Variants in BACH2 observed in about 807,000 individuals in gnomAD.
BACH2 encodes the protein BACH transcriptional regulator 2, also known as transcription regulator protein BACH2.
BACH2 carries 5 observed loss-of-function variants against 61.8 expected under a neutral mutation model. The observed-to-expected ratio is 0.08, with a 90% CI of 0.04 to 0.17. The LOEUF (loss-of-function observed/expected upper bound fraction) is 0.17, where lower values mean the gene tolerates loss of function less well. Ranked by LOEUF, BACH2 falls within the 10% of genes least tolerant of loss-of-function variation. The pLI is 1.00. For synonymous variants in BACH2, 446 were observed against 440.1 expected (o/e 1.01, Z -0.17); for missense variants, 824 against 1,091.1 (o/e 0.76, Z 3.45).
chr6:90,099,568 G>A (rs893172454), intron 4 of BACH2, among the ~76,000 whole-genome samples: 1 of 152,022 alleles, frequency 6.6e-6, no homozygotes, highest in Admixed American at 6.6e-5. Context: ...TGTTTTTTAA[G>A]GAAGACTAAG....
chr6:90,081,161 A>G (rs1029126737), intron 5 of BACH2, among the ~76,000 whole-genome samples: 2 of 152,192 alleles, frequency 1.3e-5, no homozygotes, highest in African/African-American at 4.8e-5. Flanking sequence ...ACAAACTTTT[A>G]GTGTGTTCTT....
intron 2 of BACH2, among the ~76,000 whole-genome samples, chr6:90,262,945 T>C (rs1378474394): frequency 6.6e-6 from 1 of 152,184 alleles, no homozygotes; most frequent in African/African-American, 2.4e-5. Context: ...AAACTACACA[T>C]GCATTTTACA....
chr6:90,202,445 G>A (rs1270384048), intron 4 of BACH2, among the ~76,000 whole-genome samples: 1 of 152,140 alleles, frequency 6.6e-6, no homozygotes, highest in East Asian at 1.9e-4. Context: ...AAAAAATTCT[G>A]CTGGGCAGAT....
At chr6:89,959,343 A>G (rs1774612586) in intron 6 of BACH2, among the ~76,000 whole-genome samples, 1 of 152,144 alleles carries the variant, frequency 6.6e-6, no homozygotes, top group Non-Finnish European at 1.5e-5. Flanking sequence ...GCCTGACTCG[A>G]ATCCCCATGA....
intron 5 of BACH2, among the ~76,000 whole-genome samples, chr6:90,013,563 G>A (rs191742116): frequency 0.01 from 1,486 of 143,084 alleles, 29 homozygotes; most frequent in African/African-American, 0.037. Flanking sequence ...CTGGAGTGCA[G>A]TGGCGCGATC....
intron 5 of BACH2, among the ~76,000 whole-genome samples, chr6:90,038,903 G>C (rs544912854): frequency 6.6e-6 from 1 of 152,014 alleles, no homozygotes; most frequent in Non-Finnish European, 1.5e-5. Context: ...AGCTGGGTGT[G>C]GTGGTGGACA....
intron 6 of BACH2, among the ~76,000 whole-genome samples, chr6:89,952,624 G>T (rs1216551326): frequency 6.6e-6 from 1 of 152,172 alleles, no homozygotes; most frequent in African/African-American, 2.4e-5. Flanking sequence ...CACAGGGTAT[G>T]GGCTATTCCT....
chr6:90,106,503 AC>A (rs1237745986), intron 4 of BACH2, among the ~76,000 whole-genome samples: 1 of 152,216 alleles, frequency 6.6e-6, no homozygotes, highest in Non-Finnish European at 1.5e-5. Context: ...AGTAGACTAT[AC>A]CATACAGCCT....
chr6:90,078,845 A>G (rs978616269), intron 5 of BACH2, among the ~76,000 whole-genome samples: 1 of 152,154 alleles, frequency 6.6e-6, no homozygotes, highest in African/African-American at 2.4e-5. Flanking sequence ...AAAGCTCTCA[A>G]CTCATTGTAA....
intron 4 of BACH2, among the ~76,000 whole-genome samples, chr6:90,115,257 C>A (rs1783347919): frequency 6.6e-6 from 1 of 152,088 alleles, no homozygotes; most frequent in Non-Finnish European, 1.5e-5. Context: ...AATCACGTTA[C>A]CTGACTTCAA....
intron 5 of BACH2, among the ~76,000 whole-genome samples, chr6:90,028,541 G>A (rs1202936115): frequency 6.6e-6 from 1 of 151,954 alleles, no homozygotes; most frequent in Non-Finnish European, 1.5e-5. Flanking sequence ...CAGGCTCTGG[G>A]GCCAGCCTGC....
chr6:90,255,292 T>C (rs6931152), intron 2 of BACH2, among the ~76,000 whole-genome samples: 412 of 152,312 alleles, frequency 2.7e-3, no homozygotes, highest in African/African-American at 9.3e-3. Context: ...CAACAATTGT[T>C]TACTAAAAAT....
chr6:90,247,302 C>G (rs904350273), intron 3 of BACH2, among the ~76,000 whole-genome samples: 2 of 149,326 alleles, frequency 1.3e-5, no homozygotes, highest in Non-Finnish European at 3.0e-5. Flanking sequence ...CAGTGGTCAT[C>G]ATAGCTCATT....
chr6:90,157,825 G>T (rs984361897), intron 4 of BACH2, among the ~76,000 whole-genome samples: 3 of 152,160 alleles, frequency 2.0e-5, no homozygotes, highest in African/African-American at 7.2e-5. Context: ...GGTATTCATT[G>T]AGCACCTACT....
intron 3 of BACH2, among the ~76,000 whole-genome samples, chr6:90,211,938 T>C (rs1222666623): frequency 2.0e-5 from 3 of 152,186 alleles, no homozygotes; most frequent in African/African-American, 7.2e-5. Flanking sequence ...CCCAGCAGCT[T>C]AGGCAGAGGG....
At chr6:90,217,441 G>A (rs1769576867) in intron 3 of BACH2, among the ~76,000 whole-genome samples, 1 of 152,138 alleles carries the variant, frequency 6.6e-6, no homozygotes, top group South Asian at 2.1e-4. Context: ...AGAAATAGCT[G>A]CACAATAGGG....
intron 7 of BACH2, among the ~76,000 whole-genome samples, chr6:89,944,718 C>T (rs1773629868): frequency 6.6e-6 from 1 of 151,796 alleles, no homozygotes; most frequent in Non-Finnish European, 1.5e-5. Flanking sequence ...CTGCCCCCAA[C>T]ACACTCTCTT....
At chr6:90,213,805 A>G (rs2127852793) in intron 3 of BACH2, among the ~76,000 whole-genome samples, 1 of 152,290 alleles carries the variant, frequency 6.6e-6, no homozygotes, top group South Asian at 2.1e-4. Flanking sequence ...TTTAATTATA[A>G]TGTTTGGGAA....
intron 5 of BACH2, among the ~76,000 whole-genome samples, chr6:90,017,136 T>C (rs1442366366): frequency 6.6e-6 from 1 of 152,158 alleles, no homozygotes; most frequent in Non-Finnish European, 1.5e-5. Flanking sequence ...CTTGGGGAGT[T>C]ACATATAATA....
Sources: gnomAD v4.1 joint callset for allele counts (sites outside exome capture counted in the v4.1 genomes callset) on GRCh38, gnomAD v4.1.1 for gene constraint, MANE v1.5 for transcripts, NCBI Gene and HGNC (gene_info 2026-07-23, HGNC 2026-07-21) for gene names.